The following DNM3 variants were observed in gnomAD, a reference collection of about 807,000 sequenced individuals.
DNM3 encodes the protein dynamin-3.
In DNM3, 47 loss-of-function variants were observed where a neutral mutation model predicts 101.6. The observed-to-expected ratio is 0.46, with a 90% CI of 0.37 to 0.59. The LOEUF is 0.59. Ranked by LOEUF, DNM3 falls within the 20% of genes least tolerant of loss-of-function variation. DNM3 has a pLI of 0.00. For missense variants in DNM3, 849 were observed against 1,085.7 expected (o/e 0.78, Z 3.06); for synonymous variants, 385 against 387.9 (o/e 0.99, Z 0.09).
intron 14 of DNM3, chr1:172,132,972 T>C: frequency 6.5e-7 from 1 of 1,544,018 alleles, no homozygotes. Context: ...ACCCAGGCTG[T>C]TGAGCTCCAG....
intron 12 of DNM3, among the ~76,000 whole-genome samples, chr1:172,092,604 GTTA>G (rs1173926145): frequency 1.3e-5 from 2 of 152,070 alleles, no homozygotes; most frequent in African/African-American, 4.8e-5. Context: ...TTTAAGTGGT[GTTA>G]TTATATTTTT....
chr1:171,880,746 T>A (rs2036195165), intron 1 of DNM3, among the ~76,000 whole-genome samples: 1 of 152,174 alleles, frequency 6.6e-6, no homozygotes, highest in African/African-American at 2.4e-5. Flanking sequence ...TTTATATTGA[T>A]TACTGTGAAT....
At chr1:172,081,957 A>T (rs1219048960) in intron 12 of DNM3, 55 bp downstream of exon 12, 2 of 1,546,616 alleles carry the variant, frequency 1.3e-6, no homozygotes, top group Non-Finnish European at 1.8e-6. Context: ...TGTCTCAAAC[A>T]CACATTGTGA....
chr1:172,220,519 A>T (rs768791476), intron 14 of DNM3, among the ~76,000 whole-genome samples: 10 of 152,188 alleles, frequency 6.6e-5, no homozygotes, highest in Non-Finnish European at 1.2e-4. Flanking sequence ...GACAGGTGGT[A>T]GGGGAAGTAA....
Position 172,249,579 on chromosome 1 carries a change from A to T in DNM3, c.1660-3994A>T, listed in dbSNP as rs1203327170. Reference sequence around the variant, plus strand: ...CTCCTGTATTGAGGAAAGATACTATATTTAAATATGAAGAAAAGAATGGTG... The same window carrying T: ...CTCCTGTATTGAGGAAAGATACTATTTTTAAATATGAAGAAAAGAATGGTG... On this transcript the variant is annotated intron_variant, in intron 14 of 20. Coordinates refer to ENST00000627582, the MANE Select transcript of DNM3 (RefSeq NM_015569.5). Among the ~76,000 whole-genome samples the T allele has an allele frequency of 3.3e-5, 5 of 152,198 alleles. No homozygotes were observed. In the East Asian group the frequency reaches 9.7e-4, roughly 29 times the overall value.
chr1:171,883,540 C>T (rs2036507855), intron 1 of DNM3, among the ~76,000 whole-genome samples: 1 of 151,600 alleles, frequency 6.6e-6, no homozygotes, highest in Non-Finnish European at 1.5e-5. Flanking sequence ...AGCGCGATCT[C>T]GGCTCACTGC....
At chr1:172,099,461 A>T (rs545302959) in intron 13 of DNM3, among the ~76,000 whole-genome samples, 1 of 152,280 alleles carries the variant, frequency 6.6e-6, no homozygotes, top group South Asian at 2.1e-4. Context: ...TTTAAGAACC[A>T]GTCCATAAGT....
chr1:171,963,584 T>C (rs1367606810), intron 2 of DNM3, among the ~76,000 whole-genome samples: 1 of 152,086 alleles, frequency 6.6e-6, no homozygotes, highest in Non-Finnish European at 1.5e-5. Flanking sequence ...TGGTGATGCA[T>C]GTTGATATTG....
At chr1:171,909,255 A>G (rs531847074) in intron 1 of DNM3, among the ~76,000 whole-genome samples, 2 of 152,188 alleles carry the variant, frequency 1.3e-5, no homozygotes, top group African/African-American at 2.4e-5. Context: ...AGCCTGGCCA[A>G]CATAGCGTCT....
intron 8 of DNM3, among the ~76,000 whole-genome samples, chr1:172,043,960 G>A (rs564988939): frequency 2.6e-5 from 4 of 152,226 alleles, no homozygotes; most frequent in Admixed American, 6.5e-5. Flanking sequence ...AATGATTTAA[G>A]TGGCCAGGGA....
chr1:172,038,388 A>G lies in DNM3; in HGVS notation c.919A>G (p.Ile307Val). 1 of 1,613,486 alleles carries G rather than the reference A, an allele frequency of 6.2e-7. No individual in the cohort carries two copies. Among genetic ancestry groups the G allele is most frequent in the South Asian group, 1.1e-5 (1 of 91,074 alleles). ...CAAACTACAGGGACAGTTGCTCTCC[A>G]TAGAACATGAAGTAGAAGCCTACAA... Reference protein sequence around the residue: ...RNKLQGQLLSIEHEVEAYKNF... With the variant: ...RNKLQGQLLSVEHEVEAYKNF... The change falls in exon 7 of 21, where the codon ATA becomes GTA. Residue 307 changes from isoleucine to valine, a missense_variant. Physicochemically the swap from Ile to Val is conservative, Grantham distance 29. Transcript: ENST00000627582.
At chr1:172,358,047 A>T (rs1326499436) in intron 17 of DNM3, among the ~76,000 whole-genome samples, 2 of 150,966 alleles carry the variant, frequency 1.3e-5, no homozygotes, top group African/African-American at 4.9e-5. Flanking sequence ...CCTACCTCCC[A>T]CTCCTCTCCT....
chr1:172,083,228 T>G (rs1016013189), intron 12 of DNM3, among the ~76,000 whole-genome samples: 1 of 152,136 alleles, frequency 6.6e-6, no homozygotes, highest in African/African-American at 2.4e-5. Flanking sequence ...CCACAGTCAG[T>G]GAACTCTAGG....
At chr1:171,991,030 A>G (rs2045597071) in intron 4 of DNM3, among the ~76,000 whole-genome samples, 1 of 152,126 alleles carries the variant, frequency 6.6e-6, no homozygotes, top group African/African-American at 2.4e-5. Flanking sequence ...GAGTCATACC[A>G]TCAGTGAATT....
At chr1:172,368,900 T>G (rs2068172353) in intron 17 of DNM3, among the ~76,000 whole-genome samples, 1 of 151,914 alleles carries the variant, frequency 6.6e-6, no homozygotes, top group African/African-American at 2.4e-5. Context: ...GATACATTCC[T>G]GGGCACATAC....
chr1:172,371,102 A>G (rs1299103086), intron 17 of DNM3, among the ~76,000 whole-genome samples: 1 of 151,984 alleles, frequency 6.6e-6, no homozygotes. Context: ...TTTTTCTAGC[A>G]TGTCTAGCAG....
At chr1:171,856,254 C>T (rs561913607) in intron 1 of DNM3, among the ~76,000 whole-genome samples, 78 of 152,236 alleles carry the variant, frequency 5.1e-4, no homozygotes, top group Non-Finnish European at 1.0e-3. Context: ...TGTACCAGTA[C>T]CATGCTGTTT....
intron 17 of DNM3, among the ~76,000 whole-genome samples, chr1:172,374,345 G>A (rs1250347420): frequency 3.9e-5 from 6 of 151,936 alleles, no homozygotes; most frequent in Non-Finnish European, 5.9e-5. Flanking sequence ...CAGGCCTTTC[G>A]GGAGTTCTGT....
chr1:172,383,657 G>A lies in DNM3; in HGVS notation c.2059-3476G>A, dbSNP rs190721911. ...AGAAATGTCTCTTCTATTTGTGAAGGGTTTAAAATGGTCTCAGTCATAGAA... is the reference window on the plus strand; with the variant it reads ...AGAAATGTCTCTTCTATTTGTGAAGAGTTTAAAATGGTCTCAGTCATAGAA... On this transcript the variant is annotated intron_variant, in intron 18 of 20. Coordinates refer to ENST00000627582, the MANE Select transcript of DNM3 (RefSeq NM_015569.5). Among the ~76,000 whole-genome samples the A allele has an allele frequency of 2.5e-3, 375 of 152,196 alleles. 1 individual carries two copies. Among genetic ancestry groups the A allele is most frequent in the Non-Finnish European group, 4.2e-3 (289 of 68,004 alleles).
Sources: gnomAD v4.1 joint callset for allele counts (sites outside exome capture counted in the v4.1 genomes callset) on GRCh38, gnomAD v4.1.1 for gene constraint, MANE v1.5 for transcripts, NCBI Gene and HGNC (gene_info 2026-07-23, HGNC 2026-07-21) for gene names.